Variants in NFU1 observed in about 807,000 individuals in gnomAD.
NFU1 encodes the protein NFU1 iron-sulfur cluster scaffold homolog, mitochondrial.
A neutral mutation model predicts 32.2 loss-of-function variants in NFU1; 30 were observed. The observed-to-expected ratio is 0.93, with a 90% CI of 0.70 to 1.26. The LOEUF (loss-of-function observed/expected upper bound fraction) is 1.26, where lower values mean the gene tolerates loss of function less well. Among genes scored for constraint, NFU1 ranks in the 50% most tolerant of loss-of-function variants. The pLI is 0.00. For missense variants in NFU1, 306 were observed against 306.6 expected, an observed-to-expected ratio of 1.00 and a Z score of 0.02; for synonymous variants, 112 against 104.6, an observed-to-expected ratio of 1.07 and a Z score of -0.43.
Position 69,428,946 on chromosome 2 carries a change from A to G in NFU1, c.166+2956T>C, listed in dbSNP as rs76441583. ...AAGTTAAACCATTTCATGGATAAAG[A>G]AAAAAATTGAAAGTGAACTCCCATA... On this transcript the variant is annotated intron_variant, in intron 2 of 7. Transcript: ENST00000410022. Among the ~76,000 whole-genome samples the G allele has an allele frequency of 5.0e-3, 765 of 152,314 alleles. 5 individuals carry two copies. Among genetic ancestry groups the G allele is most frequent in the African/African-American group, 0.018 (732 of 41,566 alleles).
intron 2 of NFU1, among the ~76,000 whole-genome samples, chr2:69,429,085 T>G (rs1365345025): frequency 1.3e-5 from 2 of 152,208 alleles, no homozygotes; most frequent in African/African-American, 4.8e-5. Flanking sequence ...TAGTAAGACA[T>G]TCTTCTGAAA....
At chr2:69,416,643 A>ATC (rs1396634920) in intron 4 of NFU1, among the ~76,000 whole-genome samples, 1 of 152,190 alleles carries the variant, frequency 6.6e-6, no homozygotes, top group East Asian at 1.9e-4. Flanking sequence ...CATGCCTGTA[A>ATC]TCCCAGCACT....
intron 3 of NFU1, among the ~76,000 whole-genome samples, chr2:69,420,290 A>G (rs1673195660): frequency 6.6e-6 from 1 of 152,064 alleles, no homozygotes. Context: ...GAGCCACCAC[A>G]CCCAGCCTAA....
upstream of NFU1, chr2:69,437,690 T>G: frequency 1.7e-6 from 1 of 577,004 alleles, no homozygotes; most frequent in Non-Finnish European, 3.1e-6. Flanking sequence ...TTCCGTACTT[T>G]GTTTTCCCTG....
At chr2:69,405,875 C>T in intron 6 of NFU1, 147 bp downstream of exon 6, 1 of 611,394 alleles carries the variant, frequency 1.6e-6, no homozygotes. Flanking sequence ...GCTTTAAATT[C>T]AATTGTCACG....
At position 69,396,293 on chromosome 2, in the gene NFU1, A is replaced by G; in HGVS notation, c.721-3T>C. Reference sequence around the variant, plus strand: ...TCATCTGATTCATCATCCATAACCTAAAACCAAAAAACAAAGACAATTTAA... The same window carrying G: ...TCATCTGATTCATCATCCATAACCTGAAACCAAAAAACAAAGACAATTTAA... On this transcript the variant is annotated splice_polypyrimidine_tract_variant and splice_region_variant and intron_variant, in intron 7 of 7. Transcript: ENST00000410022. 1.9e-6 allele frequency: 3 copies of G among 1,588,590 alleles called. No individual in the cohort carries two copies. The highest frequency in any genetic ancestry group is 2.6e-6 in the Non-Finnish European group (3 of 1,166,728).
chr2:69,424,199 ATATAT>A (rs1285120337), intron 2 of NFU1, among the ~76,000 whole-genome samples: 3 of 70,774 alleles, frequency 4.2e-5, no homozygotes, highest in Non-Finnish European at 8.8e-5. Context: ...AAAAAAAAAA[ATATAT>A]ATATATATAT....
chr2:69,412,857 C>CA (rs375424451), intron 5 of NFU1, among the ~76,000 whole-genome samples: 59,292 of 103,504 alleles, frequency 0.57, 15,400 homozygotes, highest in African/African-American at 0.74. Context: ...GTCACTGTCT[C>CA]AAAAAAAAAA....
At chr2:69,437,229 C>A in intron 1 of NFU1, 132 bp downstream of exon 1, 1 of 1,475,632 alleles carries the variant, frequency 6.8e-7, no homozygotes, top group South Asian at 1.4e-5. Context: ...CCAACTACGG[C>A]GACAGGGCGG....
rs1434059940 is a variant in NFU1 at position 69,396,269 on chromosome 2, C to T, written c.742G>A (p.Glu248Lys). Residue 248 changes from glutamate (E) to lysine (K), a missense_variant, in exon 8 of 8, where the codon GAA becomes AAA. Physicochemically the swap from Glu to Lys is moderately conservative, Grantham distance 56. Coordinates refer to ENST00000410022, the MANE Select transcript of NFU1 (RefSeq NM_001002755.4). ...VEQVMDDESD[E>K]KEANSP ...TTTTAAGGTGAGTTTGCTTCTTTTT[C>T]ATCTGATTCATCATCCATAACCTAA... is the stretch of plus-strand genomic sequence containing the variant. 4 of 1,610,698 alleles carry T rather than the reference C, an allele frequency of 2.5e-6. No homozygotes were observed. The highest frequency in any genetic ancestry group is 3.3e-5 in the Admixed American group (2 of 59,944).
chr2:69,439,341 G>C (rs1673983589), upstream of NFU1, among the ~76,000 whole-genome samples: 1 of 152,096 alleles, frequency 6.6e-6, no homozygotes, highest in Admixed American at 6.6e-5. Context: ...CTTAAAGATG[G>C]TGTGTCCAGA....
At chr2:69,418,629 G>C (rs934288709) in intron 4 of NFU1, among the ~76,000 whole-genome samples, 4 of 151,964 alleles carry the variant, frequency 2.6e-5, no homozygotes, top group African/African-American at 9.7e-5. Flanking sequence ...ACCATGCCCG[G>C]CTACTTTTTT....
chr2:69,413,033 G>A (rs184957109), intron 5 of NFU1, among the ~76,000 whole-genome samples: 2 of 152,196 alleles, frequency 1.3e-5, no homozygotes, highest in Admixed American at 1.3e-4. Context: ...AGTGGCTCAT[G>A]CCTGTAATCC....
intron 7 of NFU1, chr2:69,399,148 C>T: frequency 8.1e-6 from 2 of 247,594 alleles, no homozygotes; most frequent in Non-Finnish European, 8.1e-6. Context: ...GTGGAGGTTG[C>T]AGTGAGCCGA....
At position 69,433,159 on chromosome 2, in the gene NFU1, A is replaced by AG. The variant is rs1259786747; in HGVS notation, c.63-1155_63-1154insC. 3.3e-5 allele frequency among the ~76,000 whole-genome samples: 5 copies of AG among 151,420 alleles called. No individual in the cohort carries two copies. The East Asian group carries it at 9.8e-4, about 30-fold the overall frequency. ...AGCAAGACTCCATCTCCAAAAAAAA[A>AG]AAAAAAAAAAGTATACGACTGTCCT... On this transcript the variant is annotated intron_variant, in intron 1 of 7. Coordinates refer to ENST00000410022, the MANE Select transcript of NFU1 (RefSeq NM_001002755.4).
intron 7 of NFU1, among the ~76,000 whole-genome samples, chr2:69,398,886 G>C (rs879627349): frequency 1.3e-5 from 2 of 152,142 alleles, no homozygotes; most frequent in Non-Finnish European, 2.9e-5. Context: ...CCAAGGATGA[G>C]TGATTCCCAA....
At chr2:69,429,961 G>T (rs759078896) in intron 2 of NFU1, 1 of 309,552 alleles carries the variant, frequency 3.2e-6, no homozygotes, top group Non-Finnish European at 6.5e-6. Flanking sequence ...CCCAGGAGGC[G>T]GAGGTTACAG....
chr2:69,430,054 A>C (rs1673589849), intron 2 of NFU1: 1 of 315,742 alleles, frequency 3.2e-6, no homozygotes, highest in Admixed American at 4.4e-5. Flanking sequence ...AAAACACCTA[A>C]TTTGAATAGG....
At chr2:69,435,371 AT>A (rs1260551601) in intron 1 of NFU1, among the ~76,000 whole-genome samples, 1 of 152,228 alleles carries the variant, frequency 6.6e-6, no homozygotes, top group Non-Finnish European at 1.5e-5. Flanking sequence ...ACAAGATCAC[AT>A]TTATCTAATT....
Sources: gnomAD v4.1 joint callset for allele counts (sites outside exome capture counted in the v4.1 genomes callset) on GRCh38, gnomAD v4.1.1 for gene constraint, MANE v1.5 for transcripts, NCBI Gene and HGNC (gene_info 2026-07-23, HGNC 2026-07-21) for gene names.